ZFAND6: variants seen among roughly 807,000 people sequenced by gnomAD.
ZFAND6 encodes zinc finger AN1-type containing 6.
ZFAND6 carries 12 observed loss-of-function variants against 24.5 expected under a neutral mutation model. The ratio of observed to expected loss-of-function variants is 0.49; its 90% CI spans 0.31 to 0.79. The LOEUF (loss-of-function observed/expected upper bound fraction) is 0.79. Ranked by LOEUF, ZFAND6 falls within the 30% of genes least tolerant of loss-of-function variation. The pLI is 0.04. For synonymous variants in ZFAND6, 92 were observed against 81.5 expected (o/e 1.13, Z -0.69); for missense variants, 207 against 245.9 (o/e 0.84, Z 1.06).
At chr15:80,121,998 G>A (rs1461915043) in intron 4 of ZFAND6, among the ~76,000 whole-genome samples, 178 bp downstream of exon 4, 5 of 152,066 alleles carry the variant, frequency 3.3e-5, no homozygotes, top group Non-Finnish European at 7.4e-5. Flanking sequence ...TTGAGGGATC[G>A]GGGGTTATCG....
chr15:80,097,053 G>A (rs2038767712), intron 1 of ZFAND6, among the ~76,000 whole-genome samples: 1 of 148,626 alleles, frequency 6.7e-6, no homozygotes, highest in East Asian at 2.0e-4. Flanking sequence ...AGGCTGGAGT[G>A]CAGTGGCATG....
Position 80,097,300 on chromosome 15 carries a change from T to G in ZFAND6, c.-180-1116T>G, listed in dbSNP as rs114905881. Reference sequence around the variant, plus strand: ...TAGGTGTGAGCCACTGCGTCCGGCATGTGTCAGATTTTTAAATGGCACTTT... The same window carrying G: ...TAGGTGTGAGCCACTGCGTCCGGCAGGTGTCAGATTTTTAAATGGCACTTT... On this transcript the variant is annotated intron_variant, in intron 1 of 6. Transcript: ENST00000261749. Among the ~76,000 whole-genome samples, 598 of 152,222 alleles carry G rather than the reference T, an allele frequency of 3.9e-3. 4 individuals are homozygous for G. The highest frequency in any genetic ancestry group is 0.014 in the African/African-American group (581 of 41,548).
chr15:80,060,706 GAGGTCAGGAGATCGAGACCA>G (rs2036283518), intron 1 of ZFAND6: 1 of 152,152 alleles, frequency 6.6e-6, no homozygotes, highest in African/African-American at 2.4e-5. Flanking sequence ...GACTAATCAC[GAGGTCAGGAGATCGAGACCA>G]TCCTGGCCAA....
intron 2 of ZFAND6, among the ~76,000 whole-genome samples, chr15:80,098,820 A>G (rs1040810189): frequency 1.3e-5 from 2 of 152,014 alleles, no homozygotes; most frequent in African/African-American, 4.8e-5. Flanking sequence ...TTTCAGAATT[A>G]TTATAAGCAT....
At chr15:80,092,474 A>G (rs1320921711) in intron 1 of ZFAND6, among the ~76,000 whole-genome samples, 1 of 152,216 alleles carries the variant, frequency 6.6e-6, no homozygotes, top group Non-Finnish European at 1.5e-5. Flanking sequence ...TAAACAGTAT[A>G]ATAAACTGAA....
chr15:80,123,998 G>T (rs896539828), intron 5 of ZFAND6, among the ~76,000 whole-genome samples: 1 of 151,622 alleles, frequency 6.6e-6, no homozygotes, highest in Non-Finnish European at 1.5e-5. Context: ...CGTAACAAAA[G>T]AATATTCTGT....
At chr15:80,065,537 A>ATTTTTTTTTTTTTTTTTTTTT (rs149756891) in intron 1 of ZFAND6, among the ~76,000 whole-genome samples, 6 of 76,506 alleles carry the variant, frequency 7.8e-5, no homozygotes, top group East Asian at 4.1e-4. Flanking sequence ...TTTGGTTTTG[A>ATTTTTTTTTTTTTTTTTTTTT]TTTTTTTTTT....
intron 1 of ZFAND6, among the ~76,000 whole-genome samples, chr15:80,069,624 T>C (rs35272795): frequency 7.1e-6 from 1 of 141,038 alleles, no homozygotes; most frequent in African/African-American, 3.1e-5. Context: ...TTATTTTTTG[T>C]TATTTATTTA....
chr15:80,118,249 A>G (rs988172609), intron 2 of ZFAND6, among the ~76,000 whole-genome samples: 20 of 152,084 alleles, frequency 1.3e-4, no homozygotes, highest in African/African-American at 4.8e-4. Context: ...CAGCCTCCCA[A>G]GTAGCTGGGA....
chr15:80,085,659 C>A lies in ZFAND6; in HGVS notation c.-180-12757C>A, dbSNP rs548499023. Among the ~76,000 whole-genome samples the A allele has an allele frequency of 4.6e-5, 7 of 152,206 alleles. No individual in the cohort carries two copies. In the South Asian group the frequency reaches 1.5e-3, roughly 32 times the overall value. ...TCTGTATATTTTTCTAGCCTTTTTT[C>A]TGTAAACATGCATACCTAGGTTTAA... On this transcript the variant is annotated intron_variant, in intron 1 of 6. Transcript: ENST00000261749.
intron 6 of ZFAND6, among the ~76,000 whole-genome samples, chr15:80,136,798 A>G (rs2040885872): frequency 1.3e-5 from 2 of 152,182 alleles, no homozygotes; most frequent in African/African-American, 2.4e-5. Context: ...TTTGGTTTTA[A>G]CTCCAGGCAT....
At chr15:80,131,026 C>T (rs900081227) in intron 5 of ZFAND6, 154 bp from the exon 6 acceptor site, 67 of 505,174 alleles carry the variant, frequency 1.3e-4, no homozygotes, top group East Asian at 5.9e-5. Context: ...AAAAAGGGGT[C>T]ATATTTTTGT....
Position 80,105,895 on chromosome 15 carries a change from T to A in ZFAND6, c.-18+7317T>A, listed in dbSNP as rs2039299006. ...TTTCTGGCATCCATTTTTATATACC[T>A]CTATGAAGTGAGAGTGGTGTATTCT... On this transcript the variant is annotated intron_variant, in intron 2 of 6. Coordinates refer to ENST00000261749, the MANE Select transcript of ZFAND6 (RefSeq NM_019006.4). Among the ~76,000 whole-genome samples the A allele has an allele frequency of 2.0e-5, 3 of 152,340 alleles. No individual in the cohort carries two copies. In the South Asian group the frequency reaches 6.2e-4, roughly 32 times the overall value.
intron 6 of ZFAND6, among the ~76,000 whole-genome samples, chr15:80,133,711 G>A (rs527992200): frequency 7.9e-5 from 12 of 152,300 alleles, no homozygotes; most frequent in Middle Eastern, 3.4e-3. Context: ...ATCTAAGGAA[G>A]AAAAGTGAAT....
intron 1 of ZFAND6, chr15:80,060,377 G>A (rs115563047): frequency 6.6e-6 from 1 of 151,988 alleles, no homozygotes; most frequent in Non-Finnish European, 1.5e-5. Flanking sequence ...GGTTTAGCTT[G>A]CTTAGGATTC....
chr15:80,084,546 T>C (rs548733727), intron 1 of ZFAND6, among the ~76,000 whole-genome samples: 17 of 151,906 alleles, frequency 1.1e-4, no homozygotes, highest in African/African-American at 4.1e-4. Flanking sequence ...AGATGAGGAG[T>C]ATTGATTTAA....
chr15:80,068,043 C>A (rs2036752805), intron 1 of ZFAND6, among the ~76,000 whole-genome samples: 2 of 151,432 alleles, frequency 1.3e-5, no homozygotes, highest in Admixed American at 1.3e-4. Context: ...CTCACTGCAA[C>A]CTCTGCCTCC....
chr15:80,075,229 T>C, intron 1 of ZFAND6: 1 of 180,880 alleles, frequency 5.5e-6, no homozygotes, highest in Non-Finnish European at 1.2e-5. Context: ...TCCATATTTC[T>C]ATCACAAATA....
Position 80,136,365 on chromosome 15 carries a change from T to C in ZFAND6, c.479-1115T>C, listed in dbSNP as rs58829355. On this transcript the variant is annotated intron_variant, in intron 6 of 6. Transcript: ENST00000261749. ...CTGTAATCCCAGCTACTCGGGAGAC[T>C]GAGGCAGGAGAATGGCTTGAACGCA... Among the ~76,000 whole-genome samples, 180 of 151,904 alleles carry C rather than the reference T, an allele frequency of 1.2e-3. 2 individuals carry two copies. The East Asian group carries it at 0.031, about 26-fold the overall frequency.
Sources: allele counts gnomAD v4.1 joint callset (sites outside exome capture counted in the v4.1 genomes callset), GRCh38; gene constraint gnomAD v4.1.1; transcripts MANE v1.5; gene names NCBI Gene and HGNC (gene_info 2026-07-23, HGNC 2026-07-21).